The following PRKN variants were observed in gnomAD, a reference collection of about 807,000 sequenced individuals.
PRKN encodes the protein E3 ubiquitin-protein ligase parkin.
A neutral mutation model predicts 59.5 loss-of-function variants in PRKN; 56 were observed. The ratio of observed to expected loss-of-function variants is 0.94; its 90% CI spans 0.76 to 1.18. The LOEUF is 1.18. Among genes scored for constraint, PRKN ranks in the 50% most tolerant of loss-of-function variants. The probability of loss-of-function intolerance (pLI) is 0.00; values close to 1 mark genes in which losing one functional copy is unlikely to be tolerated. For missense variants in PRKN, 657 were observed against 596.4 expected, an observed-to-expected ratio of 1.10 and a Z score of -1.06; for synonymous variants, 250 against 222.1, an observed-to-expected ratio of 1.13 and a Z score of -1.12.
chr6:162,620,890 A>C, intron 1 of PRKN, among the ~76,000 whole-genome samples: 1 of 152,132 alleles, frequency 6.6e-6, no homozygotes, highest in Non-Finnish European at 1.5e-5. Context: ...TCCGGTGTGT[A>C]TGATTAAAAG....
chr6:162,409,553 G>C (rs1788249518), intron 2 of PRKN, among the ~76,000 whole-genome samples: 1 of 152,084 alleles, frequency 6.6e-6, no homozygotes, highest in Non-Finnish European at 1.5e-5. Context: ...CAATTTTGTA[G>C]ATCAAACATG....
intron 4 of PRKN, among the ~76,000 whole-genome samples, chr6:162,137,337 G>A (rs191845857): frequency 2.6e-5 from 4 of 152,226 alleles, no homozygotes; most frequent in Admixed American, 1.3e-4. Context: ...TTATAAAATG[G>A]AGGCAATATT....
chr6:162,031,926 A>C (rs568751664), intron 5 of PRKN, among the ~76,000 whole-genome samples: 1 of 152,352 alleles, frequency 6.6e-6, no homozygotes, highest in South Asian at 2.1e-4. Flanking sequence ...GAACCCAGTT[A>C]GCTGAAAGCT....
At chr6:162,014,108 A>AC (rs36064561) in intron 5 of PRKN, among the ~76,000 whole-genome samples, 29 of 151,656 alleles carry the variant, frequency 1.9e-4, no homozygotes, top group Admixed American at 4.6e-4. Context: ...GTTCCTACTC[A>AC]CCCCCCATCG....
In PRKN at chr6:162,408,292, GA is replaced by G. The variant is rs989059433; in HGVS notation, c.171+35017del. 4.6e-4 allele frequency among the ~76,000 whole-genome samples: 67 copies of G among 145,124 alleles called. No homozygotes were observed. In the East Asian group the frequency reaches 0.012, roughly 26 times the overall value. On this transcript the variant is annotated intron_variant, in intron 2 of 11. Coordinates refer to ENST00000366898, the MANE Select transcript of PRKN (RefSeq NM_004562.3). Reference sequence around the variant, plus strand: ...CTCTAAAATTTCCCAACTATATTCAGAAAAAAAAAACAAAACAAAAGCTTAA... The same window carrying G: ...CTCTAAAATTTCCCAACTATATTCAGAAAAAAAAACAAAACAAAAGCTTAA...
intron 2 of PRKN, among the ~76,000 whole-genome samples, chr6:162,398,886 T>G (rs1787622060): frequency 6.6e-6 from 1 of 152,228 alleles, no homozygotes; most frequent in African/African-American, 2.4e-5. Flanking sequence ...TGGGCAATCT[T>G]TAATATTGAT....
In PRKN at chr6:162,207,304, G is replaced by A. The variant is rs147040183; in HGVS notation, c.413-6052C>T. Among the ~76,000 whole-genome samples, 518 of 152,148 alleles carry A rather than the reference G, an allele frequency of 3.4e-3. 5 individuals carry two copies. Among genetic ancestry groups the A allele is most frequent in the African/African-American group, 0.011 (475 of 41,496 alleles). On this transcript the variant is annotated intron_variant, in intron 3 of 11. Transcript: ENST00000366898. ...GGAGAATCGCTTGAACCCAGGAGACGGACGCTGAAGTGAGCTGAGATCCCA... is the reference window on the plus strand; with the variant it reads ...GGAGAATCGCTTGAACCCAGGAGACAGACGCTGAAGTGAGCTGAGATCCCA...
chr6:161,765,112 A>G (rs1789367307), intron 7 of PRKN, among the ~76,000 whole-genome samples: 2 of 152,220 alleles, frequency 1.3e-5, no homozygotes, highest in Admixed American at 1.3e-4. Context: ...GGTAAACAGT[A>G]TATTCCTGTT....
At chr6:162,194,245 C>T (rs1784406091) in intron 4 of PRKN, among the ~76,000 whole-genome samples, 2 of 152,188 alleles carry the variant, frequency 1.3e-5, no homozygotes, top group South Asian at 4.2e-4. Context: ...TTAAAATCTG[C>T]TAAGAAATTA....
intron 6 of PRKN, among the ~76,000 whole-genome samples, chr6:161,822,733 T>A (rs573759231): frequency 1.3e-5 from 2 of 152,082 alleles, no homozygotes; most frequent in Non-Finnish European, 2.9e-5. Context: ...TCTCAGATCA[T>A]GATAATGTTT....
intron 3 of PRKN, among the ~76,000 whole-genome samples, chr6:162,201,602 T>A (rs1325588492): frequency 2.0e-5 from 3 of 152,208 alleles, no homozygotes; most frequent in Non-Finnish European, 2.9e-5. Flanking sequence ...TCTTTCAGGA[T>A]GCTCCTGAAT....
At chr6:162,604,462 C>G (rs1443166419) in intron 1 of PRKN, among the ~76,000 whole-genome samples, 1 of 152,190 alleles carries the variant, frequency 6.6e-6, no homozygotes, top group African/African-American at 2.4e-5. Flanking sequence ...ACTGCAGACT[C>G]TTCGTAAAGC....
chr6:162,011,707 G>T (rs1011376225), intron 5 of PRKN, among the ~76,000 whole-genome samples: 3 of 150,016 alleles, frequency 2.0e-5, no homozygotes, highest in African/African-American at 7.4e-5. Flanking sequence ...GTATTTCAGA[G>T]GGTCACTCTG....
intron 7 of PRKN, among the ~76,000 whole-genome samples, chr6:161,631,663 C>T (rs1243569443): frequency 2.0e-5 from 3 of 152,012 alleles, no homozygotes; most frequent in African/African-American, 4.8e-5. Context: ...GAGATAAAAA[C>T]GCTTTTTGAA....
chr6:162,524,643 T>G (rs141180052), intron 1 of PRKN, among the ~76,000 whole-genome samples: 2 of 152,202 alleles, frequency 1.3e-5, no homozygotes, highest in African/African-American at 4.8e-5. Context: ...CTTAGCTACA[T>G]ACAATTCATT....
In PRKN at chr6:161,423,589, T is replaced by G. The variant is rs192634068; in HGVS notation, c.1084-36712A>C. ...AAGACATTTACAGATTTAGATGACT[T>G]GTCAATCCCAAGCTGGAATTCATAA... is the stretch of plus-strand genomic sequence containing the variant. On this transcript the variant is annotated intron_variant, in intron 9 of 11. Coordinates refer to ENST00000366898, the MANE Select transcript of PRKN (RefSeq NM_004562.3). This position sits in a 1 kb window ranked among gnomAD's most constrained non-coding sequence, Gnocchi z 5.9. 1.2e-4 allele frequency among the ~76,000 whole-genome samples: 19 copies of G among 152,270 alleles called. No individual in the cohort carries two copies. Among genetic ancestry groups the G allele is most frequent in the Admixed American group, 9.2e-4 (14 of 15,290 alleles).
rs1786936586 is a variant in PRKN at position 161,399,713 on chromosome 6, G to A, written c.1084-12836C>T. ...AGAAAGTACCAATCCCAGTGCTAGG[G>A]ATGATGCCAGCATTCTAGTGTAATT... On this transcript the variant is annotated intron_variant, in intron 9 of 11. Coordinates refer to ENST00000366898, the MANE Select transcript of PRKN (RefSeq NM_004562.3). The surrounding 1 kb of genome is among the most constrained non-coding windows in gnomAD (Gnocchi z 4.4). Among the ~76,000 whole-genome samples the A allele has an allele frequency of 6.6e-6, 1 of 152,078 alleles. No individual in the cohort carries two copies.
At chr6:162,468,174 G>A (rs1392738800) in intron 1 of PRKN, among the ~76,000 whole-genome samples, 1 of 152,152 alleles carries the variant, frequency 6.6e-6, no homozygotes, top group East Asian at 1.9e-4. Context: ...CATGGAAATT[G>A]CTCCATATAT....
At chr6:162,000,638 G>C (rs1360337062) in intron 5 of PRKN, among the ~76,000 whole-genome samples, 1 of 152,002 alleles carries the variant, frequency 6.6e-6, no homozygotes, top group Admixed American at 6.6e-5. Flanking sequence ...TCAAAGAGCT[G>C]AGGTTTTGTA....
Sources: allele counts gnomAD v4.1 joint callset (sites outside exome capture counted in the v4.1 genomes callset), GRCh38; gene constraint gnomAD v4.1.1; non-coding constraint Gnocchi (gnomAD v3.1); transcripts MANE v1.5; gene names NCBI Gene and HGNC (gene_info 2026-07-23, HGNC 2026-07-21).